The following SEPTIN7 variants were observed in gnomAD, a reference collection of about 807,000 sequenced individuals.
SEPTIN7 encodes the protein septin-7.
SEPTIN7 carries 10 observed loss-of-function variants against 63.3 expected under a neutral mutation model. That is an observed-to-expected ratio of 0.16 (90% CI 0.10 to 0.27). The LOEUF (loss-of-function observed/expected upper bound fraction) is 0.27. Among genes scored for constraint, SEPTIN7 ranks in the 10% least tolerant of loss-of-function variants. SEPTIN7 has a pLI of 1.00. For synonymous variants in SEPTIN7, 131 were observed against 165.3 expected (o/e 0.79, Z 1.59); for missense variants, 310 against 521.0 (o/e 0.59, Z 3.94).
At chr7:35,848,471 C>T (rs1229567494) in intron 3 of SEPTIN7, among the ~76,000 whole-genome samples, 1 of 151,966 alleles carries the variant, frequency 6.6e-6, no homozygotes, top group Non-Finnish European at 1.5e-5. Flanking sequence ...GGGGTTTCAG[C>T]ATGTTAGCCA....
At position 35,904,758 on chromosome 7, in the gene SEPTIN7, C is replaced by G. The variant is rs1039707334; in HGVS notation, c.*465C>G. On this transcript the variant is annotated 3_prime_UTR_variant, in exon 14 of 14. Coordinates refer to ENST00000350320, the MANE Select transcript of SEPTIN7 (RefSeq NM_001788.6). The stretch of plus-strand genomic sequence containing the variant: ...TACAATAATGTAATTTAGTCTAACA[C>G]AGTTGACCCTATTTTTTGACACTTC... The G allele has an allele frequency of 6.6e-6, 1 of 152,158 alleles. No individual in the cohort carries two copies. The highest frequency in any genetic ancestry group is 2.4e-5 in the African/African-American group (1 of 41,256). The allele number at this position is 152,158 out of a possible 1,614,324, so 9.4% of individuals were successfully genotyped here.
intron 10 of SEPTIN7, 108 bp from the exon 11 acceptor site, chr7:35,890,560 A>G (rs1787570120): frequency 7.3e-6 from 7 of 961,736 alleles, no homozygotes; most frequent in Non-Finnish European, 9.7e-6. Context: ...TTCATTTTAA[A>G]TCTGAAATTT....
At chr7:35,811,746 G>T (rs1369446631) in intron 1 of SEPTIN7, among the ~76,000 whole-genome samples, 1 of 152,104 alleles carries the variant, frequency 6.6e-6, no homozygotes, top group Non-Finnish European at 1.5e-5. Context: ...AATTAAGGCT[G>T]GGCGCGGTGG....
intron 12 of SEPTIN7, chr7:35,902,425 A>C (rs1330867282): frequency 6.6e-6 from 1 of 152,154 alleles, no homozygotes; most frequent in East Asian, 1.9e-4. Flanking sequence ...ACATTTCCAG[A>C]CTTAACACCC....
chr7:35,866,429 T>C (rs1785810076), intron 4 of SEPTIN7, among the ~76,000 whole-genome samples: 2 of 152,166 alleles, frequency 1.3e-5, no homozygotes, highest in South Asian at 2.1e-4. Flanking sequence ...TCCAGACATA[T>C]TAGACTGGTA....
At chr7:35,833,388 T>C (rs977008610) in intron 3 of SEPTIN7, among the ~76,000 whole-genome samples, 3 of 152,040 alleles carry the variant, frequency 2.0e-5, no homozygotes, top group African/African-American at 7.2e-5. Context: ...AATATGACTC[T>C]CCTGGTTCTC....
At chr7:35,892,156 C>T (rs550617940) in intron 11 of SEPTIN7, among the ~76,000 whole-genome samples, 1 of 152,050 alleles carries the variant, frequency 6.6e-6, no homozygotes, top group Non-Finnish European at 1.5e-5. Flanking sequence ...TACAATTAGA[C>T]GATAATCCTG....
At chr7:35,802,824 C>T (rs1173028010) in intron 1 of SEPTIN7, among the ~76,000 whole-genome samples, 4 of 151,966 alleles carry the variant, frequency 2.6e-5, no homozygotes, top group African/African-American at 7.3e-5. Flanking sequence ...GGGGGTGGTA[C>T]GGTCGTGGCG....
chr7:35,867,449 A>G (rs1322365371), intron 4 of SEPTIN7, among the ~76,000 whole-genome samples: 1 of 152,166 alleles, frequency 6.6e-6, no homozygotes, highest in Non-Finnish European at 1.5e-5. Context: ...TCCAAAGTTC[A>G]AGTGTTTCTC....
chr7:35,801,126 G>A lies in SEPTIN7; in HGVS notation c.-84G>A. On this transcript the variant is annotated 5_prime_UTR_variant, in exon 1 of 14. Transcript: ENST00000350320. Reference sequence around the variant, plus strand: ...GTAAGCAAGGCAGCTACGCCGGGCGGCTACGCTGCGGAATCGGCGTAGGCG... The same window carrying A: ...GTAAGCAAGGCAGCTACGCCGGGCGACTACGCTGCGGAATCGGCGTAGGCG... The A allele has an allele frequency of 2.6e-6, 3 of 1,176,100 alleles. No individual in the cohort carries two copies. The allele number at this position is 1,176,100 out of a possible 1,614,324, so 72.9% of individuals were successfully genotyped here.
chr7:35,874,488 T>C (rs1786350462), intron 6 of SEPTIN7, among the ~76,000 whole-genome samples: 1 of 152,118 alleles, frequency 6.6e-6, no homozygotes, highest in African/African-American at 2.4e-5. Context: ...TCTTTTCCTT[T>C]GGGTAAGTAA....
At chr7:35,858,869 G>T (rs1469479295) in intron 3 of SEPTIN7, among the ~76,000 whole-genome samples, 2 of 151,160 alleles carry the variant, frequency 1.3e-5, no homozygotes, top group Non-Finnish European at 2.9e-5. Flanking sequence ...TAGTAGAGAC[G>T]GGGTTTTACC....
intron 7 of SEPTIN7, among the ~76,000 whole-genome samples, chr7:35,881,397 G>A (rs1006873283): frequency 6.6e-6 from 1 of 151,636 alleles, no homozygotes; most frequent in African/African-American, 2.4e-5. Flanking sequence ...TTGTACTCAG[G>A]TCATTTTAAT....
At chr7:35,887,456 C>G (rs1475556888) in intron 10 of SEPTIN7, among the ~76,000 whole-genome samples, 1 of 152,222 alleles carries the variant, frequency 6.6e-6, no homozygotes, top group African/African-American at 2.4e-5. Context: ...AAGTAATTCT[C>G]CTGCCTCAGC....
chr7:35,884,508 A>G (rs1787103340), intron 9 of SEPTIN7, among the ~76,000 whole-genome samples: 3 of 152,144 alleles, frequency 2.0e-5, no homozygotes, highest in Admixed American at 2.0e-4. Flanking sequence ...ATATTTGAAA[A>G]CATAACTAAA....
At chr7:35,838,361 C>A (rs1175734109) in intron 3 of SEPTIN7, among the ~76,000 whole-genome samples, 19 of 29,714 alleles carry the variant, frequency 6.4e-4, no homozygotes, top group South Asian at 1.8e-3. Context: ...TCCCTCCCTC[C>A]CTCCTCCCTC....
In SEPTIN7 at chr7:35,840,793, A is replaced by G. The variant is rs1318954070; in HGVS notation, c.169+7893A>G. ...GGAGGAAAACAGTATACACATAACTATACCATGAATCATAATGTGTTAAGT... is the reference window on the plus strand; with the variant it reads ...GGAGGAAAACAGTATACACATAACTGTACCATGAATCATAATGTGTTAAGT... On this transcript the variant is annotated intron_variant, in intron 3 of 13. Coordinates refer to ENST00000350320, the MANE Select transcript of SEPTIN7 (RefSeq NM_001788.6). Among the ~76,000 whole-genome samples the G allele has an allele frequency of 6.6e-5, 10 of 152,234 alleles. 1 individual carries two copies. In the East Asian group the frequency reaches 1.9e-3, roughly 29 times the overall value.
intron 1 of SEPTIN7, among the ~76,000 whole-genome samples, chr7:35,809,389 C>T (rs1422227090): frequency 6.6e-6 from 1 of 152,140 alleles, no homozygotes; most frequent in Non-Finnish European, 1.5e-5. Flanking sequence ...TGATGCCTGG[C>T]ATATAATAAA....
chr7:35,809,972 G>C (rs1788590212), intron 1 of SEPTIN7, among the ~76,000 whole-genome samples: 1 of 152,088 alleles, frequency 6.6e-6, no homozygotes, highest in Non-Finnish European at 1.5e-5. Flanking sequence ...GGGAAGATGT[G>C]GGTGGTGAGT....
Sources: allele counts gnomAD v4.1 joint callset (sites outside exome capture counted in the v4.1 genomes callset), GRCh38; gene constraint gnomAD v4.1.1; transcripts MANE v1.5; gene names NCBI Gene and HGNC (gene_info 2026-07-23, HGNC 2026-07-21).